Variants in BRINP3 observed in about 807,000 individuals in gnomAD.
The protein encoded by BRINP3 is BMP/retinoic acid-inducible neural-specific protein 3.
BRINP3 carries 19 observed loss-of-function variants against 71.0 expected under a neutral mutation model. The ratio of observed to expected loss-of-function variants is 0.27; its 90% confidence interval spans 0.19 to 0.39. The LOEUF is 0.39. Among genes scored for constraint, BRINP3 ranks in the 10% least tolerant of loss-of-function variants. The pLI is 1.00. For missense variants in BRINP3, 959 were observed against 940.8 expected, an observed-to-expected ratio of 1.02 and a Z score of -0.25; for synonymous variants, 380 against 337.7, an observed-to-expected ratio of 1.13 and a Z score of -1.37.
intron 7 of BRINP3, among the ~76,000 whole-genome samples, chr1:190,152,826 G>C (rs1656534303): frequency 6.6e-6 from 1 of 151,898 alleles, no homozygotes. Context: ...ATTAGTGACT[G>C]GCATGGCTGA....
chr1:190,262,316 T>G (rs1027911421), intron 4 of BRINP3, among the ~76,000 whole-genome samples: 4 of 152,092 alleles, frequency 2.6e-5, no homozygotes, highest in Non-Finnish European at 5.9e-5. Flanking sequence ...TCCCCTGAGG[T>G]CTAAATTAAA....
chr1:190,108,144 G>A (rs1652346391), intron 7 of BRINP3, among the ~76,000 whole-genome samples: 2 of 151,970 alleles, frequency 1.3e-5, no homozygotes, highest in African/African-American at 2.4e-5. Flanking sequence ...TCCTTGATAG[G>A]TGAACTTCAT....
chr1:190,453,887 A>C (rs187596521), intron 2 of BRINP3, among the ~76,000 whole-genome samples: 5 of 152,332 alleles, frequency 3.3e-5, no homozygotes, highest in African/African-American at 7.2e-5. Flanking sequence ...GTAAAAGTCT[A>C]TCACCAATAA....
chr1:190,264,229 A>G (rs1387779721), intron 4 of BRINP3, among the ~76,000 whole-genome samples: 1 of 152,176 alleles, frequency 6.6e-6, no homozygotes, highest in Non-Finnish European at 1.5e-5. Context: ...GAAAATCAGA[A>G]CTAAATTATT....
intron 1 of BRINP3, among the ~76,000 whole-genome samples, chr1:190,475,070 A>T (rs1215794660): frequency 8.6e-5 from 13 of 151,952 alleles, no homozygotes; most frequent in Admixed American, 8.5e-4. Flanking sequence ...TTGAAATCTA[A>T]CTCTCTTCCG....
intron 6 of BRINP3, among the ~76,000 whole-genome samples, chr1:190,200,485 A>G (rs898782491): frequency 3.9e-5 from 6 of 152,176 alleles, no homozygotes; most frequent in Non-Finnish European, 8.8e-5. Flanking sequence ...CTAGGAACAT[A>G]GAATTTCATA....
At chr1:190,350,301 C>T (rs992531545) in intron 2 of BRINP3, among the ~76,000 whole-genome samples, 2 of 152,090 alleles carry the variant, frequency 1.3e-5, no homozygotes, top group African/African-American at 4.8e-5. Context: ...TATTTCTCAG[C>T]TAACAGTCAC....
chr1:190,441,691 A>G (rs1054203590), intron 2 of BRINP3, among the ~76,000 whole-genome samples: 1 of 152,096 alleles, frequency 6.6e-6, no homozygotes, highest in African/African-American at 2.4e-5. Flanking sequence ...GATTTCTCAA[A>G]TAGGTCAAAT....
intron 6 of BRINP3, among the ~76,000 whole-genome samples, chr1:190,195,949 C>T (rs1654440657): frequency 6.6e-6 from 1 of 152,030 alleles, no homozygotes; most frequent in African/African-American, 2.4e-5. Context: ...TCATATTTGG[C>T]ACACCTTCTC....
chr1:190,360,733 T>C (rs1669088816), intron 2 of BRINP3, among the ~76,000 whole-genome samples: 1 of 152,098 alleles, frequency 6.6e-6, no homozygotes, highest in Admixed American at 6.6e-5. Flanking sequence ...TTCAATCTAT[T>C]CCCAGCTGTG....
intron 2 of BRINP3, among the ~76,000 whole-genome samples, chr1:190,320,891 T>A (rs1666194414): frequency 6.6e-6 from 1 of 152,046 alleles, no homozygotes; most frequent in South Asian, 2.1e-4. Context: ...ATCATCAACA[T>A]TTTCATGAAA....
chr1:190,314,962 T>C (rs1315654079), intron 2 of BRINP3, among the ~76,000 whole-genome samples: 1 of 152,094 alleles, frequency 6.6e-6, no homozygotes, highest in African/African-American at 2.4e-5. Context: ...ATGGACTTTA[T>C]CAGGGGGCTA....
At chr1:190,354,526 T>A (rs1189114990) in intron 2 of BRINP3, among the ~76,000 whole-genome samples, 1 of 152,002 alleles carries the variant, frequency 6.6e-6, no homozygotes, top group Non-Finnish European at 1.5e-5. Context: ...ATATATGTTC[T>A]TTGTACTACA....
intron 7 of BRINP3, among the ~76,000 whole-genome samples, chr1:190,118,453 T>G (rs866658677): frequency 1.3e-5 from 2 of 152,222 alleles, no homozygotes; most frequent in South Asian, 4.1e-4. Flanking sequence ...AATTATCAAG[T>G]GCCTACTATG....
chr1:190,311,074 T>A (rs1665482778), intron 2 of BRINP3, among the ~76,000 whole-genome samples: 1 of 151,744 alleles, frequency 6.6e-6, no homozygotes, highest in South Asian at 2.1e-4. Context: ...TATTTTAAAT[T>A]ATGTTGTACT....
chr1:190,318,064 C>T (rs1056947521), intron 2 of BRINP3, among the ~76,000 whole-genome samples: 4 of 152,014 alleles, frequency 2.6e-5, no homozygotes, highest in Non-Finnish European at 4.4e-5. Flanking sequence ...ATCAGATACA[C>T]CTTTCCTCTT....
chr1:190,301,234 T>TATAC (rs1268377492), intron 2 of BRINP3, among the ~76,000 whole-genome samples: 215 of 123,386 alleles, frequency 1.7e-3, no homozygotes, highest in East Asian at 3.7e-3. Flanking sequence ...TATATATATA[T>TATAC]ACACACATAC....
intron 4 of BRINP3, among the ~76,000 whole-genome samples, chr1:190,263,303 C>T (rs1285094005): frequency 6.6e-6 from 1 of 152,032 alleles, no homozygotes; most frequent in Admixed American, 6.6e-5. Context: ...ATCTGTACGG[C>T]ATAAATATTA....
chr1:190,123,480 T>C (rs1653848139), intron 7 of BRINP3, among the ~76,000 whole-genome samples: 1 of 152,138 alleles, frequency 6.6e-6, no homozygotes, highest in Non-Finnish European at 1.5e-5. Flanking sequence ...ACTTCCTTTC[T>C]ATCCATTCAG....
Sources: allele counts gnomAD v4.1 joint callset (sites outside exome capture counted in the v4.1 genomes callset), GRCh38; gene constraint gnomAD v4.1.1; transcripts MANE v1.5; gene names NCBI Gene and HGNC (gene_info 2026-07-23, HGNC 2026-07-21).